The following CFAP70 variants were observed in gnomAD, a reference collection of about 807,000 sequenced individuals.
The protein encoded by CFAP70 is cilia- and flagella-associated protein 70.
In CFAP70, 81 loss-of-function variants were observed where a neutral mutation model predicts 137.6. The ratio of observed to expected loss-of-function variants is 0.59; its 90% CI spans 0.49 to 0.71. The LOEUF is 0.71. Ranked by LOEUF, CFAP70 falls within the 30% of genes least tolerant of loss-of-function variation. The pLI is 0.00. For missense variants in CFAP70, 976 were observed against 1,226.7 expected (o/e 0.80, Z 3.05); for synonymous variants, 382 against 423.6 (o/e 0.90, Z 1.20).
At chr10:73,324,864 T>C (rs1173824647) in intron 8 of CFAP70, among the ~76,000 whole-genome samples, 1 of 152,164 alleles carries the variant, frequency 6.6e-6, no homozygotes, top group African/African-American at 2.4e-5. Flanking sequence ...GTCTGATTGG[T>C]GTACCTGAAA....
At chr10:73,309,867 G>A (rs1209340117) in intron 12 of CFAP70, among the ~76,000 whole-genome samples, 3 of 151,688 alleles carry the variant, frequency 2.0e-5, no homozygotes, top group Admixed American at 1.3e-4. Context: ...GTGTTGCCCA[G>A]GCTGGTCTCA....
At chr10:73,277,287 T>C (rs1175276073) in exon 21 of CFAP70, 2 of 1,614,010 alleles carry the variant, frequency 1.2e-6, no homozygotes, top group Non-Finnish European at 1.7e-6. Context: ...TCCATGAAGA[T>C]GGTGGTAGTT....
At chr10:73,280,869 T>C (rs2047205497) in intron 19 of CFAP70, among the ~76,000 whole-genome samples, 1 of 152,140 alleles carries the variant, frequency 6.6e-6, no homozygotes, top group African/African-American at 2.4e-5. Flanking sequence ...GTTTCATTGA[T>C]TGTCTCTATT....
intron 5 of CFAP70, among the ~76,000 whole-genome samples, chr10:73,344,519 G>A (rs761217679): frequency 5.3e-5 from 8 of 152,180 alleles, no homozygotes; most frequent in Non-Finnish European, 1.2e-4. Flanking sequence ...AACCTCCTAA[G>A]TCCTCAGCAA....
intron 12 of CFAP70, among the ~76,000 whole-genome samples, chr10:73,301,250 G>T (rs1353101593): frequency 6.6e-6 from 1 of 152,160 alleles, no homozygotes; most frequent in African/African-American, 2.4e-5. Flanking sequence ...CCCAGTGTTG[G>T]AAGTGGGGCC....
chr10:73,324,384 GA>G (rs2051177246), intron 8 of CFAP70, among the ~76,000 whole-genome samples: 1 of 152,176 alleles, frequency 6.6e-6, no homozygotes, highest in Non-Finnish European at 1.5e-5. Context: ...CAAAGATGGG[GA>G]AAAAACAGAG....
chr10:73,305,657 T>C (rs1420171547), intron 12 of CFAP70, among the ~76,000 whole-genome samples: 2 of 152,234 alleles, frequency 1.3e-5, no homozygotes, highest in African/African-American at 2.4e-5. Flanking sequence ...GTCAAAACAC[T>C]GGCTGAACAC....
intron 9 of CFAP70, among the ~76,000 whole-genome samples, chr10:73,321,770 T>C (rs1425646631): frequency 6.6e-6 from 1 of 151,446 alleles, no homozygotes; most frequent in East Asian, 1.9e-4. Flanking sequence ...AACAACAGAC[T>C]TTTTTTTTCT....
intron 12 of CFAP70, among the ~76,000 whole-genome samples, chr10:73,301,438 TAAAG>T (rs1226721912): frequency 6.6e-6 from 1 of 152,178 alleles, no homozygotes; most frequent in Non-Finnish European, 1.5e-5. Context: ...TATTTGGTAA[TAAAG>T]AAATTAAGTA....
chr10:73,330,194 A>C (rs781288169), intron 8 of CFAP70, among the ~76,000 whole-genome samples: 1 of 152,050 alleles, frequency 6.6e-6, no homozygotes, highest in Non-Finnish European at 1.5e-5. Flanking sequence ...GCTCACACCT[A>C]TAATCCCAGC....
At chr10:73,335,591 G>T in intron 6 of CFAP70, 67 bp from the exon 8 acceptor site, 2 of 1,104,846 alleles carry the variant, frequency 1.8e-6, no homozygotes, top group Non-Finnish European at 1.3e-6. Context: ...CATCTATAGG[G>T]CATTCTTTTA....
chr10:73,282,558 C>G (rs759442657), intron 19 of CFAP70, among the ~76,000 whole-genome samples: 1 of 152,044 alleles, frequency 6.6e-6, no homozygotes, highest in Non-Finnish European at 1.5e-5. Context: ...CACCACCACA[C>G]CCGCCTAATT....
intron 7 of CFAP70, among the ~76,000 whole-genome samples, chr10:73,334,285 C>A (rs2052410023): frequency 1.3e-5 from 2 of 152,138 alleles, no homozygotes; most frequent in South Asian, 4.1e-4. Flanking sequence ...TATTGTCTAG[C>A]CTTCTTGCAT....
At chr10:73,339,812 C>G (rs1249797817) in intron 6 of CFAP70, among the ~76,000 whole-genome samples, 1 of 145,678 alleles carries the variant, frequency 6.9e-6, no homozygotes, top group African/African-American at 2.7e-5. Flanking sequence ...AACTGAAGAG[C>G]CCCAGGTGTC....
At chr10:73,269,811 T>G (rs535940469) in intron 24 of CFAP70, 96 bp from the exon 26 acceptor site, 2 of 640,372 alleles carry the variant, frequency 3.1e-6, no homozygotes, top group Non-Finnish European at 5.6e-6. Flanking sequence ...GTTTTCAACT[T>G]TTTAATATTT....
intron 25 of CFAP70, among the ~76,000 whole-genome samples, chr10:73,265,320 C>CAAAA (rs796977521): frequency 1.2e-5 from 1 of 85,908 alleles, no homozygotes; most frequent in Non-Finnish European, 2.5e-5. Flanking sequence ...GACTCCATCT[C>CAAAA]AAAAAAAAAA....
intron 8 of CFAP70, among the ~76,000 whole-genome samples, chr10:73,330,193 T>G (rs11000608): frequency 1.3e-3 from 192 of 152,080 alleles, no homozygotes; most frequent in Non-Finnish European, 1.9e-3. Flanking sequence ...GGCTCACACC[T>G]ATAATCCCAG....
At chr10:73,332,928 T>C (rs2183903) in intron 7 of CFAP70, among the ~76,000 whole-genome samples, 16,077 of 152,204 alleles carry the variant, frequency 0.11, 1,232 homozygotes, top group East Asian at 0.3. Flanking sequence ...ACAAAGCTAC[T>C]ATAAGACCTA....
chr10:73,309,717 T>C (rs4472849), intron 12 of CFAP70, among the ~76,000 whole-genome samples: 10,785 of 149,714 alleles, frequency 0.072, 509 homozygotes, highest in Non-Finnish European at 0.11. Context: ...AGTGCAGTGG[T>C]GCGATCTCGG....
Sources: allele counts gnomAD v4.1 joint callset (sites outside exome capture counted in the v4.1 genomes callset), GRCh38; gene constraint gnomAD v4.1.1; transcripts MANE v1.5; gene names NCBI Gene and HGNC (gene_info 2026-07-23, HGNC 2026-07-21).